FGF13: variants seen among roughly 807,000 people sequenced by gnomAD.
FGF13 encodes the protein fibroblast growth factor homologous factor 2.
FGF13 carries 2 observed loss-of-function variants against 19.5 expected under a neutral mutation model. The observed-to-expected ratio is 0.10, with a 90% confidence interval of 0.04 to 0.32. The LOEUF (loss-of-function observed/expected upper bound fraction) is 0.32, where lower values mean the gene tolerates loss of function less well. FGF13 is among the 10% of genes least tolerant of loss of function. The pLI, the probability that FGF13 is intolerant of heterozygous loss-of-function variation, is 1.00. For missense variants in FGF13, 113 were observed against 192.7 expected, an observed-to-expected ratio of 0.59 and a Z score of 2.45; for synonymous variants, 72 against 76.9, an observed-to-expected ratio of 0.94 and a Z score of 0.33.
chrX:139,103,438 T>A (rs1434709869), intron 1 of FGF13, among the ~76,000 whole-genome samples: 5 of 111,901 alleles, frequency 4.5e-5, no homozygotes, highest in Admixed American at 2.8e-4. Flanking sequence ...AGGACACATA[T>A]TATAAGTCTA....
At chrX:138,693,179 C>T (rs1349171596) in intron 3 of FGF13, among the ~76,000 whole-genome samples, 2 of 111,893 alleles carry the variant, frequency 1.8e-5, no homozygotes, top group African/African-American at 6.5e-5. Context: ...GTGAAACTTA[C>T]ATTAATTGCA....
chrX:138,927,337 C>T (rs1164949088), intron 1 of FGF13, among the ~76,000 whole-genome samples: 1 of 112,008 alleles, frequency 8.9e-6, no homozygotes, highest in Non-Finnish European at 1.9e-5. Flanking sequence ...TCCAACTGGG[C>T]TCTAGGGTTC....
chrX:138,917,027 G>C (rs764996897), intron 1 of FGF13, among the ~76,000 whole-genome samples: 1 of 111,686 alleles, frequency 9.0e-6, no homozygotes, highest in Non-Finnish European at 1.9e-5. Flanking sequence ...TTTTAAAGCT[G>C]ACCCTGACTA....
chrX:139,130,730 A>G (rs2083754102), intron 1 of FGF13, among the ~76,000 whole-genome samples: 1 of 111,732 alleles, frequency 8.9e-6, no homozygotes, highest in African/African-American at 3.2e-5. Flanking sequence ...AATTTTTTCT[A>G]TTTTCATAGG....
chrX:138,907,742 T>C (rs1435142958), intron 1 of FGF13, among the ~76,000 whole-genome samples: 1 of 111,633 alleles, frequency 9.0e-6, no homozygotes, highest in Non-Finnish European at 1.9e-5. Flanking sequence ...ATTTCATTAT[T>C]ACACCTGTTT....
At chrX:138,797,365 T>G (rs2090787079) in intron 3 of FGF13, among the ~76,000 whole-genome samples, 1 of 111,073 alleles carries the variant, frequency 9.0e-6, no homozygotes, top group Non-Finnish European at 1.9e-5. Context: ...ACCAGATGAT[T>G]GTAGATGTGT....
chrX:139,190,875 C>G (rs774115962), intron 1 of FGF13, among the ~76,000 whole-genome samples: 1 of 111,899 alleles, frequency 8.9e-6, no homozygotes, highest in African/African-American at 3.2e-5. Flanking sequence ...CAACAAGAGG[C>G]CTCTAGGCTT....
intron 2 of FGF13, among the ~76,000 whole-genome samples, chrX:138,704,025 T>G (rs60531648): frequency 8.9e-6 from 1 of 112,526 alleles, no homozygotes; most frequent in African/African-American, 3.2e-5. Context: ...CAGAGTAGTA[T>G]TTCTTAAAGG....
intron 1 of FGF13, among the ~76,000 whole-genome samples, chrX:139,167,674 T>C (rs768192952): frequency 2.3e-4 from 26 of 111,915 alleles, no homozygotes; most frequent in African/African-American, 7.1e-4. Context: ...CAGCTAAAAG[T>C]CTCAGATCAC....
chrX:138,862,913 C>T (rs974424766), intron 2 of FGF13, among the ~76,000 whole-genome samples: 2 of 111,576 alleles, frequency 1.8e-5, no homozygotes, highest in African/African-American at 3.3e-5. Context: ...GGCTAACTTG[C>T]TCTTTTCATG....
intron 1 of FGF13, among the ~76,000 whole-genome samples, chrX:138,921,557 C>A (rs2091645267): frequency 1.8e-5 from 2 of 111,451 alleles, no homozygotes; most frequent in Admixed American, 1.9e-4. Context: ...TTACTTCCAA[C>A]TTTCGTGGTA....
upstream of FGF13, among the ~76,000 whole-genome samples, chrX:139,203,822 T>A (rs1439995159): frequency 9.0e-6 from 1 of 110,844 alleles, no homozygotes; most frequent in Non-Finnish European, 1.9e-5. Flanking sequence ...AGAGGGGAAG[T>A]GGAGGAGGCT....
chrX:138,757,519 GCTCTGTGAATTTTTTTT>G (rs989580960), intron 3 of FGF13, among the ~76,000 whole-genome samples: 12 of 109,545 alleles, frequency 1.1e-4, no homozygotes, highest in African/African-American at 3.8e-4. Flanking sequence ...AGAGCTAGCT[GCTCTGTGAATTTTTTTT>G]CTCTGTGAAT....
intron 3 of FGF13, among the ~76,000 whole-genome samples, chrX:138,762,240 T>C (rs1051690745): frequency 9.0e-6 from 1 of 111,373 alleles, no homozygotes; most frequent in Non-Finnish European, 1.9e-5. Flanking sequence ...TCAATGTCAT[T>C]TGGCTTGATA....
chrX:139,118,169 A>G (rs771335708), intron 1 of FGF13, among the ~76,000 whole-genome samples: 1 of 112,058 alleles, frequency 8.9e-6, no homozygotes, highest in East Asian at 2.8e-4. Flanking sequence ...TCCATGGCCA[A>G]AAGCAAGTAG....
intron 1 of FGF13, among the ~76,000 whole-genome samples, chrX:139,017,082 G>A (rs201758420): frequency 5.9e-5 from 6 of 101,120 alleles, no homozygotes; most frequent in African/African-American, 7.2e-5. Flanking sequence ...ATACATGTGT[G>A]TATATATATA....
At chrX:138,967,676 A>C (rs776104826) in intron 1 of FGF13, among the ~76,000 whole-genome samples, 4 of 111,556 alleles carry the variant, frequency 3.6e-5, no homozygotes, top group Admixed American at 9.6e-5. Flanking sequence ...TTTTGAATAC[A>C]AGCCATTTGA....
At chrX:139,084,126 AC>A (rs1160405081) in intron 1 of FGF13, among the ~76,000 whole-genome samples, 1 of 109,688 alleles carries the variant, frequency 9.1e-6, no homozygotes. Context: ...TAGCTAGCAT[AC>A]GTGATACATA....
intron 1 of FGF13, among the ~76,000 whole-genome samples, chrX:138,882,895 G>A (rs529384117): frequency 9.0e-6 from 1 of 111,144 alleles, no homozygotes; most frequent in South Asian, 3.9e-4. Context: ...GAAAACCTCT[G>A]CCCTAGATCA....
Sources: gnomAD v4.1 joint callset for allele counts (sites outside exome capture counted in the v4.1 genomes callset) on GRCh38, gnomAD v4.1.1 for gene constraint, MANE v1.5 for transcripts, NCBI Gene and HGNC (gene_info 2026-07-23, HGNC 2026-07-21) for gene names.